Variants in PDE7B observed in about 807,000 individuals in gnomAD.
PDE7B encodes phosphodiesterase 7B.
In PDE7B, 29 loss-of-function variants were observed where a neutral mutation model predicts 56.2. The ratio of observed to expected loss-of-function variants is 0.52; its 90% CI spans 0.38 to 0.70. The LOEUF is 0.70. PDE7B is among the 30% of genes least tolerant of loss of function. The probability of loss-of-function intolerance (pLI) is 0.00; values close to 1 mark genes in which losing one functional copy is unlikely to be tolerated. For synonymous variants in PDE7B, 197 were observed against 196.9 expected, an observed-to-expected ratio of 1.00 and a Z score of 0.00; for missense variants, 490 against 565.0, an observed-to-expected ratio of 0.87 and a Z score of 1.35.
chr6:136,137,570 C>T (rs571272258), intron 3 of PDE7B, among the ~76,000 whole-genome samples: 1 of 152,136 alleles, frequency 6.6e-6, no homozygotes, highest in East Asian at 1.9e-4. Flanking sequence ...AAACAGTTGA[C>T]ATAGACCTAT....
chr6:136,034,907 A>G (rs1032695062), intron 2 of PDE7B: 2 of 152,230 alleles, frequency 1.3e-5, no homozygotes, highest in African/African-American at 2.4e-5. Context: ...CACCCTCAAC[A>G]AGTAACAGTA....
In PDE7B at chr6:135,943,341, G is replaced by A. The variant is rs576164560; in HGVS notation, c.22-4123G>A. Among the ~76,000 whole-genome samples, 7 of 152,268 alleles carry A rather than the reference G, an allele frequency of 4.6e-5. No homozygotes were observed. In the South Asian group the frequency reaches 6.2e-4, roughly 14 times the overall value. On this transcript the variant is annotated intron_variant, in intron 1 of 12. Coordinates refer to ENST00000308191, the MANE Select transcript of PDE7B (RefSeq NM_018945.4). Reference sequence around the variant, plus strand: ...TAGTACAGTGATAAGAAGAGGCAGCGACAGGATTTGAATTTTGATCAGTCT... The same window carrying A: ...TAGTACAGTGATAAGAAGAGGCAGCAACAGGATTTGAATTTTGATCAGTCT...
intron 2 of PDE7B, among the ~76,000 whole-genome samples, chr6:135,982,638 G>C (rs757937588): frequency 1.1e-4 from 16 of 152,110 alleles, no homozygotes; most frequent in Non-Finnish European, 5.9e-5. Context: ...GATGAAGTCT[G>C]GGATGAAGCC....
intron 3 of PDE7B, among the ~76,000 whole-genome samples, chr6:136,119,159 C>G (rs888827863): frequency 6.6e-6 from 1 of 152,136 alleles, no homozygotes; most frequent in African/African-American, 2.4e-5. Flanking sequence ...TATTTCCTGT[C>G]GTGCAAACCA....
intron 2 of PDE7B, among the ~76,000 whole-genome samples, chr6:135,987,806 A>C (rs960286488): frequency 6.6e-6 from 1 of 151,952 alleles, no homozygotes; most frequent in Non-Finnish European, 1.5e-5. Context: ...ACATTTGCTG[A>C]AGAGGAAGCA....
intron 2 of PDE7B, among the ~76,000 whole-genome samples, chr6:136,002,474 C>T (rs985387396): frequency 1.3e-5 from 2 of 152,216 alleles, no homozygotes; most frequent in East Asian, 1.9e-4. Flanking sequence ...TGCAGAGACA[C>T]ACATAGGATC....
At chr6:136,046,976 G>A (rs1200590424) in intron 2 of PDE7B, among the ~76,000 whole-genome samples, 1 of 152,118 alleles carries the variant, frequency 6.6e-6, no homozygotes, top group African/African-American at 2.4e-5. Context: ...CTCTAGAGGG[G>A]TGGAAGCAGA....
chr6:135,973,669 G>A (rs1026941398), intron 2 of PDE7B, among the ~76,000 whole-genome samples: 3 of 152,110 alleles, frequency 2.0e-5, no homozygotes, highest in African/African-American at 7.2e-5. Flanking sequence ...ATCCTGACAG[G>A]TATAAGGTGA....
At chr6:136,133,943 T>A (rs2128444997) in intron 3 of PDE7B, among the ~76,000 whole-genome samples, 1 of 152,296 alleles carries the variant, frequency 6.6e-6, no homozygotes, top group African/African-American at 2.4e-5. Flanking sequence ...GAGATCTGTT[T>A]ATCTGCAGGG....
intron 2 of PDE7B, among the ~76,000 whole-genome samples, chr6:135,967,049 C>T (rs1374537298): frequency 2.0e-5 from 3 of 152,164 alleles, no homozygotes; most frequent in Non-Finnish European, 4.4e-5. Context: ...GTTTTACAAA[C>T]TCATGGATAT....
At chr6:135,903,607 G>A (rs925819945) in intron 1 of PDE7B, among the ~76,000 whole-genome samples, 4 of 152,178 alleles carry the variant, frequency 2.6e-5, no homozygotes, top group Non-Finnish European at 5.9e-5. Context: ...AACTGTGCTG[G>A]AAGGACTGCC....
chr6:136,117,138 C>T (rs1238197789), intron 3 of PDE7B: 2 of 152,176 alleles, frequency 1.3e-5, no homozygotes, highest in African/African-American at 2.4e-5. Flanking sequence ...CTAACCCACT[C>T]AAAGTATTTT....
intron 2 of PDE7B, among the ~76,000 whole-genome samples, chr6:135,985,381 T>C (rs2128204603): frequency 6.6e-6 from 1 of 152,336 alleles, no homozygotes; most frequent in East Asian, 1.9e-4. Context: ...TTCCAGACTA[T>C]TCTAGAAATG....
chr6:136,018,874 C>T (rs1776022948), intron 2 of PDE7B, among the ~76,000 whole-genome samples: 1 of 151,988 alleles, frequency 6.6e-6, no homozygotes, highest in Admixed American at 6.6e-5. Context: ...CACTGATCTC[C>T]TAAATATGGG....
intron 2 of PDE7B, chr6:136,047,197 T>C (rs1273590786): frequency 1.3e-5 from 2 of 152,210 alleles, no homozygotes; most frequent in African/African-American, 4.8e-5. Context: ...TACCACTCTT[T>C]CTCTGTCTCT....
At position 136,191,958 on chromosome 6, in the gene PDE7B, T is replaced by C. The variant is rs1285724274; in HGVS notation, c.*118T>C. 1 of 740,892 alleles carries C rather than the reference T, an allele frequency of 1.3e-6. No homozygotes were observed. The highest frequency in any genetic ancestry group is 2.7e-5 in the East Asian group (1 of 37,042). The allele number at this position is 740,892 out of a possible 1,614,324, so 45.9% of individuals were successfully genotyped here. A position where few individuals can be genotyped will look rare whatever the true frequency, so the allele number is the denominator to read the frequency against. On this transcript the variant is annotated 3_prime_UTR_variant, in exon 13 of 13. Transcript: ENST00000308191. The stretch of plus-strand genomic sequence containing the variant: ...TTTCTGAGTGTTGTCCTGGGGCTCT[T>C]TGGAACGCCATCTTCCTCCCACTTA...
chr6:135,990,315 C>T (rs1158743073), intron 2 of PDE7B, among the ~76,000 whole-genome samples: 2 of 152,078 alleles, frequency 1.3e-5, no homozygotes, highest in East Asian at 1.9e-4. Flanking sequence ...TGGCTGGTCA[C>T]GAACTCCTGA....
chr6:135,991,016 C>A (rs1775469814), intron 2 of PDE7B, among the ~76,000 whole-genome samples: 1 of 152,140 alleles, frequency 6.6e-6, no homozygotes, highest in South Asian at 2.1e-4. Flanking sequence ...GGTTCCTCCC[C>A]TTTTTAGACC....
chr6:136,149,968 T>C (rs1304620344), intron 5 of PDE7B, among the ~76,000 whole-genome samples: 3 of 152,148 alleles, frequency 2.0e-5, no homozygotes, highest in Non-Finnish European at 2.9e-5. Context: ...AATCCCATAA[T>C]TTTGCATGTC....
Sources: allele counts gnomAD v4.1 joint callset (sites outside exome capture counted in the v4.1 genomes callset), GRCh38; gene constraint gnomAD v4.1.1; transcripts MANE v1.5; gene names NCBI Gene and HGNC (gene_info 2026-07-23, HGNC 2026-07-21).